The following AOAH variants were observed in gnomAD, a reference collection of about 807,000 sequenced individuals.
AOAH encodes the protein acyloxyacyl hydrolase, also known as acyloxyacyl hydrolase (neutrophil).
A neutral mutation model predicts 92.2 loss-of-function variants in AOAH; 64 were observed. The observed-to-expected ratio is 0.69, with a 90% CI of 0.57 to 0.86. The LOEUF (loss-of-function observed/expected upper bound fraction) is 0.86, where lower values mean the gene tolerates loss of function less well. Among genes scored for constraint, AOAH ranks in the 40% least tolerant of loss-of-function variants. The probability of loss-of-function intolerance (pLI) is 0.00; values close to 1 mark genes in which losing one functional copy is unlikely to be tolerated. For missense variants in AOAH, 656 were observed against 694.6 expected, an observed-to-expected ratio of 0.94 and a Z score of 0.62; for synonymous variants, 263 against 254.5, an observed-to-expected ratio of 1.03 and a Z score of -0.32.
chr7:36,557,330 T>C (rs1453008223), intron 13 of AOAH, among the ~76,000 whole-genome samples: 1 of 152,246 alleles, frequency 6.6e-6, no homozygotes, highest in Non-Finnish European at 1.5e-5. Flanking sequence ...TCCTCTGGCT[T>C]GTAGAGTTTC....
At chr7:36,639,206 C>A (rs1265855649) in intron 4 of AOAH, among the ~76,000 whole-genome samples, 1 of 152,224 alleles carries the variant, frequency 6.6e-6, no homozygotes. Flanking sequence ...GAAATTCTAG[C>A]AAACCCTAAA....
At position 36,540,491 on chromosome 7, in the gene AOAH, C is replaced by T. The variant is rs866563358; in HGVS notation, c.1134G>A (p.Gly378=). Reference sequence around the variant, plus strand: ...TCATGGCTGGGACTGGGTCACTCTTCCTGTTGGTGGAATAAACAGAAAATA... The same window carrying T: ...TCATGGCTGGGACTGGGTCACTCTTTCTGTTGGTGGAATAAACAGAAAATA... ...YAMIGNDVCS[G]KSDPVPAMTT... The change falls in exon 16 of 21, where the codon GGG becomes GGA. Residue 378 remains glycine (G), a splice_region_variant and synonymous_variant. Transcript: ENST00000617537. 12 of 1,602,260 alleles carry T rather than the reference C, an allele frequency of 7.5e-6. No individual in the cohort carries two copies. The highest frequency in any genetic ancestry group is 9.4e-6 in the Non-Finnish European group (11 of 1,174,854).
At chr7:36,532,404 AC>A (rs1388983746) in intron 16 of AOAH, 60 bp from the exon 17 acceptor site, 3 of 1,519,280 alleles carry the variant, frequency 2.0e-6, no homozygotes, top group Non-Finnish European at 2.7e-6. Context: ...ATTTAGAGGC[AC>A]CTGGGGGCTT....
chr7:36,720,628 T>C (rs1348968424), intron 1 of AOAH, among the ~76,000 whole-genome samples: 1 of 152,076 alleles, frequency 6.6e-6, no homozygotes, highest in Non-Finnish European at 1.5e-5. Flanking sequence ...GTTTAAAGAG[T>C]TTTAGAGAAA....
intron 5 of AOAH, 77 bp from the exon 6 acceptor site, chr7:36,632,183 A>C: frequency 8.1e-7 from 1 of 1,237,544 alleles, no homozygotes; most frequent in South Asian, 1.4e-5. Context: ...GGCCCCTCTG[A>C]ACTTGAGGTT....
At chr7:36,575,011 A>AT (rs10652764) in intron 13 of AOAH, among the ~76,000 whole-genome samples, 3,601 of 150,128 alleles carry the variant, frequency 0.024, 111 homozygotes, top group South Asian at 0.092. Context: ...CTCACAGATG[A>AT]TTTTTTTTTT....
In AOAH at chr7:36,618,325, T is replaced by C; in HGVS notation, c.723A>G (p.Gly241=). 1 of 1,614,104 alleles carries C rather than the reference T, an allele frequency of 6.2e-7. No homozygotes were observed. The highest frequency in any genetic ancestry group is 8.5e-7 in the Non-Finnish European group (1 of 1,179,958). ...NGIWGVDPKD[G]VPYEKKFCEG... ...CACAGAATTTCTTCTCATATGGAAC[T>C]CCATCTTTTGGATCGACACCCTTTA... The change falls in exon 10 of 21, where the codon GGA becomes GGG. Residue 241 remains glycine (G), a synonymous_variant. Coordinates refer to ENST00000617537, the MANE Select transcript of AOAH (RefSeq NM_001637.4).
intron 11 of AOAH, chr7:36,597,775 C>T (rs1790238605): frequency 6.6e-6 from 1 of 152,212 alleles, no homozygotes; most frequent in South Asian, 2.1e-4. Context: ...GGCATACCCT[C>T]TGTAGCCTGG....
intron 5 of AOAH, among the ~76,000 whole-genome samples, chr7:36,634,765 T>TAACA (rs1199209161): frequency 6.6e-6 from 1 of 152,234 alleles, no homozygotes; most frequent in Non-Finnish European, 1.5e-5. Flanking sequence ...CTAATTCTCC[T>TAACA]AACAACAGTC....
rs533248760 is a variant in AOAH, at chr7:36,719,829, A to T, written c.127+4193T>A. Among the ~76,000 whole-genome samples, 5 of 152,216 alleles carry T rather than the reference A, an allele frequency of 3.3e-5. No individual in the cohort carries two copies. In the East Asian group the frequency reaches 9.6e-4, roughly 29 times the overall value. On this transcript the variant is annotated intron_variant, in intron 1 of 20. Transcript: ENST00000617537. ...TGTGCACCTGTAGTCCCAGTTACAC[A>T]GGAGGCTGAGGTGGGAGGATCACTA...
intron 10 of AOAH, 70 bp from the exon 11 acceptor site, chr7:36,616,544 T>C: frequency 1.7e-6 from 2 of 1,203,992 alleles, no homozygotes; most frequent in Middle Eastern, 3.8e-4. Context: ...TGGGTAGATA[T>C]AAGAGCGGAT....
chr7:36,663,388 C>G (rs1795335816), intron 3 of AOAH, among the ~76,000 whole-genome samples: 1 of 152,308 alleles, frequency 6.6e-6, no homozygotes, highest in South Asian at 2.1e-4. Context: ...TGGACAAATG[C>G]ATAATGACTT....
At chr7:36,720,242 T>G (rs992816147) in intron 1 of AOAH, among the ~76,000 whole-genome samples, 1 of 152,032 alleles carries the variant, frequency 6.6e-6, no homozygotes, top group African/African-American at 2.4e-5. Context: ...CTCTGCCTCC[T>G]GGGTTCAAGC....
At chr7:36,558,952 T>C (rs112436600) in intron 13 of AOAH, among the ~76,000 whole-genome samples, 25,566 of 152,276 alleles carry the variant, frequency 0.17, 2,577 homozygotes, top group African/African-American at 0.28. Context: ...CCTCGCCCTG[T>C]TTTGGCTCGC....
chr7:36,598,683 T>C (rs145173197), intron 11 of AOAH, among the ~76,000 whole-genome samples: 1,648 of 152,308 alleles, frequency 0.011, 14 homozygotes, highest in Non-Finnish European at 0.016. Flanking sequence ...AGCACACTAA[T>C]AGAAGCCTTG....
At position 36,594,364 on chromosome 7, in the gene AOAH, T is replaced by C; in HGVS notation, c.913A>G (p.Thr305Ala). 1 of 1,614,034 alleles carries C rather than the reference T, an allele frequency of 6.2e-7. No individual in the cohort carries two copies. The highest frequency in any genetic ancestry group is 1.7e-4 in the Middle Eastern group (1 of 6,060). Residue 305 changes from threonine to alanine, a missense_variant, in exon 12 of 21, where the codon ACA (threonine) becomes GCA (alanine). Physicochemically the swap from Thr to Ala is moderately conservative, Grantham distance 58. Coordinates refer to ENST00000617537, the MANE Select transcript of AOAH (RefSeq NM_001637.4). ...CCAACAGTGGAGTCCAGAAATCCTG[T>C]AGCACCAGAGAGTTGGGGCCAGTCA... is the stretch of plus-strand genomic sequence containing the variant. ...ELDWPQLSGA[T>A]GFLDSTVGIK... is the part of the protein sequence containing the mutation.
intron 16 of AOAH, among the ~76,000 whole-genome samples, chr7:36,534,821 A>G (rs917794270): frequency 3.9e-5 from 6 of 152,028 alleles, no homozygotes; most frequent in African/African-American, 1.5e-4. Flanking sequence ...AGGAATCACC[A>G]GGGGCTGAGG....
intron 13 of AOAH, among the ~76,000 whole-genome samples, chr7:36,558,987 C>G (rs1008205677): frequency 2.0e-5 from 3 of 152,178 alleles, no homozygotes; most frequent in Non-Finnish European, 2.9e-5. Context: ...ACCCACTGTC[C>G]TGCACCCACT....
intron 11 of AOAH, among the ~76,000 whole-genome samples, chr7:36,610,511 T>TAA (rs70977167): frequency 4.5e-5 from 3 of 66,838 alleles, no homozygotes; most frequent in Non-Finnish European, 7.4e-5. Context: ...TTTTTTTTTT[T>TAA]AAAAAAAAAG....
Sources: allele counts gnomAD v4.1 joint callset (sites outside exome capture counted in the v4.1 genomes callset), GRCh38; gene constraint gnomAD v4.1.1; transcripts MANE v1.5; gene names NCBI Gene and HGNC (gene_info 2026-07-23, HGNC 2026-07-21).